LHPP: variants seen among roughly 807,000 people sequenced by gnomAD.
LHPP encodes phospholysine phosphohistidine inorganic pyrophosphate phosphatase.
LHPP carries 24 observed loss-of-function variants against 30.3 expected under a neutral mutation model. The observed-to-expected ratio is 0.79, with a 90% CI of 0.57 to 1.11. LHPP has a LOEUF of 1.11. LHPP is among the 50% of genes most tolerant of loss of function. LHPP has a pLI of 0.00. For missense variants in LHPP, 356 were observed against 367.2 expected (o/e 0.97, Z 0.25); for synonymous variants, 150 against 157.1 (o/e 0.95, Z 0.34).
intron 6 of LHPP, among the ~76,000 whole-genome samples, chr10:124,572,645 A>AGGAAGAAAGGCAAGAAAG (rs112295097): frequency 5.6e-5 from 1 of 17,870 alleles, no homozygotes; most frequent in Admixed American, 7.3e-4. Context: ...AAAGAAAGAA[A>AGGAAGAAAGGCAAGAAAG]GTAAGAAAGG....
chr10:124,535,646 G>A (rs111318544), intron 6 of LHPP, among the ~76,000 whole-genome samples: 4 of 151,508 alleles, frequency 2.6e-5, no homozygotes, highest in African/African-American at 9.7e-5. Flanking sequence ...GGCCTCAAGT[G>A]ATTCTCCCAC....
At chr10:124,530,547 CACAT>C (rs1315707353) in intron 6 of LHPP, among the ~76,000 whole-genome samples, 1 of 15,132 alleles carries the variant, frequency 6.6e-5, no homozygotes, top group African/African-American at 2.4e-4. Context: ...CACACACACA[CACAT>C]ATACATACAC....
intron 5 of LHPP, among the ~76,000 whole-genome samples, chr10:124,504,898 G>A (rs995101220): frequency 3.9e-5 from 6 of 152,176 alleles, no homozygotes; most frequent in East Asian, 1.9e-4. Context: ...GGGGCAGTGC[G>A]TCTGGGAGGG....
chr10:124,471,080 T>G (rs995096612), intron 1 of LHPP, among the ~76,000 whole-genome samples: 3 of 152,076 alleles, frequency 2.0e-5, no homozygotes, highest in Admixed American at 6.6e-5. Context: ...AAAGTCCAAG[T>G]CCTCCATCCT....
intron 6 of LHPP, among the ~76,000 whole-genome samples, chr10:124,539,907 A>C (rs1445770631): frequency 6.6e-6 from 1 of 152,152 alleles, no homozygotes; most frequent in Non-Finnish European, 1.5e-5. Flanking sequence ...GTCTCAAAAA[A>C]ATAAAATAGA....
chr10:124,504,960 C>A (rs1954020747), intron 5 of LHPP, among the ~76,000 whole-genome samples: 3 of 152,046 alleles, frequency 2.0e-5, no homozygotes, highest in Admixed American at 6.6e-5. Flanking sequence ...AGGCTTTGGT[C>A]CCTGCCGCTG....
chr10:124,591,474 C>A (rs550881890), intron 6 of LHPP, among the ~76,000 whole-genome samples: 1 of 152,096 alleles, frequency 6.6e-6, no homozygotes, highest in East Asian at 1.9e-4. Context: ...TCTCTGGAAG[C>A]CTGGGGTTCC....
chr10:124,524,558 T>A (rs1039516864), intron 6 of LHPP, among the ~76,000 whole-genome samples: 1 of 152,206 alleles, frequency 6.6e-6, no homozygotes, highest in Non-Finnish European at 1.5e-5. Flanking sequence ...ATTACAGGCA[T>A]GAGCCACCGT....
At position 124,496,821 on chromosome 10, in the gene LHPP, C is replaced by T. The variant is rs761225558; in HGVS notation, c.468-140C>T. The T allele has an allele frequency of 7.0e-6, 5 of 713,644 alleles. No individual in the cohort carries two copies. The highest frequency in any genetic ancestry group is 2.4e-5 in the Admixed American group (1 of 40,920). 44.2% of individuals were successfully genotyped at this position (713,644 alleles called of 1,614,324 possible). A position where few individuals can be genotyped will look rare whatever the true frequency, so the allele number is the denominator to read the frequency against. On this transcript the variant is annotated intron_variant, in intron 3 of 6. Transcript: ENST00000368842. The surrounding 1 kb of genome is among the most constrained non-coding windows in gnomAD (Gnocchi z 4.3). ...GCTGGTCCCCTGCGGTCATTCTCAG[C>T]GTAGCGCCTGGACTGCCCCTCAGCC...
intron 6 of LHPP, among the ~76,000 whole-genome samples, chr10:124,530,355 A>G (rs1395636063): frequency 6.6e-6 from 1 of 152,104 alleles, no homozygotes; most frequent in Non-Finnish European, 1.5e-5. Flanking sequence ...TGCTGGAGCC[A>G]GGGCCGATGC....
chr10:124,572,822 G>T (rs911327559), intron 6 of LHPP, among the ~76,000 whole-genome samples: 1 of 152,196 alleles, frequency 6.6e-6, no homozygotes, highest in Non-Finnish European at 1.5e-5. Context: ...ACTGCACTTG[G>T]CAGAGGTCAT....
At chr10:124,513,187 A>G (rs1477871525) in intron 5 of LHPP, among the ~76,000 whole-genome samples, 7 of 151,954 alleles carry the variant, frequency 4.6e-5, no homozygotes, top group Admixed American at 4.6e-4. Flanking sequence ...CAGCCTCCCA[A>G]GTAGCTGGGA....
chr10:124,471,420 A>T (rs1469988114), intron 1 of LHPP, among the ~76,000 whole-genome samples: 12 of 19,712 alleles, frequency 6.1e-4, no homozygotes, highest in African/African-American at 1.2e-3. Flanking sequence ...TTTATATATT[A>T]TATATATATT....
Position 124,613,714 on chromosome 10 carries a change from G to T in LHPP, c.*354G>T, listed in dbSNP as rs897652056. 7 of 344,080 alleles carry T rather than the reference G, an allele frequency of 2.0e-5. No individual in the cohort carries two copies. In the Admixed American group the frequency reaches 2.5e-4, roughly 12 times the overall value. The allele number at this position is 344,080 out of a possible 1,614,324, so 21.3% of individuals were successfully genotyped here. On this transcript the variant is annotated 3_prime_UTR_variant, in exon 7 of 7. Transcript: ENST00000368842. ...TCCCAGAACTCACCACTCACCATGG[G>T]CCTTTAAATGCAGTAAACTCCACCT...
At chr10:124,543,664 G>A (rs1301268792) in intron 6 of LHPP, among the ~76,000 whole-genome samples, 1 of 152,160 alleles carries the variant, frequency 6.6e-6, no homozygotes, top group African/African-American at 2.4e-5. Context: ...GGCCTGTCTG[G>A]GCCCAGCACA....
At chr10:124,479,055 T>G (rs1315069745) in intron 1 of LHPP, among the ~76,000 whole-genome samples, 3 of 95,724 alleles carry the variant, frequency 3.1e-5, no homozygotes, top group African/African-American at 6.7e-5. Flanking sequence ...GCTGACAGAG[T>G]GAGACTCTGT....
chr10:124,580,721 CTTT>C (rs369288920), intron 6 of LHPP, among the ~76,000 whole-genome samples: 1 of 75,726 alleles, frequency 1.3e-5, no homozygotes, highest in Non-Finnish European at 2.5e-5. Flanking sequence ...TTTTTTTTTT[CTTT>C]TTTTTTTTTT....
chr10:124,594,240 G>T (rs964197902), intron 6 of LHPP, among the ~76,000 whole-genome samples: 1 of 138,250 alleles, frequency 7.2e-6, no homozygotes, highest in African/African-American at 2.7e-5. Flanking sequence ...GGAGGCAAGA[G>T]AATCACTTGA....
At chr10:124,564,451 A>T (rs368266658) in intron 6 of LHPP, among the ~76,000 whole-genome samples, 3 of 150,574 alleles carry the variant, frequency 2.0e-5, no homozygotes, top group African/African-American at 7.3e-5. Flanking sequence ...GACGAGTCTC[A>T]CTGTGGTGCC....
Sources: gnomAD v4.1 joint callset for allele counts (sites outside exome capture counted in the v4.1 genomes callset) on GRCh38, gnomAD v4.1.1 for gene constraint, Gnocchi (gnomAD v3.1) non-coding constraint, MANE v1.5 for transcripts, NCBI Gene and HGNC (gene_info 2026-07-23, HGNC 2026-07-21) for gene names.